CNOT1: variants seen among roughly 807,000 people sequenced by gnomAD.
CNOT1 encodes the protein CCR4-associated factor 1.
CNOT1 carries 15 observed loss-of-function variants against 273.8 expected under a neutral mutation model. The ratio of observed to expected loss-of-function variants is 0.05; its 90% CI spans 0.04 to 0.08. The LOEUF is 0.08. CNOT1 is among the 10% of genes least tolerant of loss of function. CNOT1 has a pLI of 1.00. For missense variants in CNOT1, 1,644 were observed against 2,912.2 expected (o/e 0.56, Z 10.02); for synonymous variants, 1,022 against 1,005.5 (o/e 1.02, Z -0.31).
chr16:58,534,848 A>G (rs1370103347), intron 39 of CNOT1, among the ~76,000 whole-genome samples: 1 of 152,236 alleles, frequency 6.6e-6, no homozygotes, highest in East Asian at 1.9e-4. Context: ...AACCAATAAC[A>G]AAGATTTTAA....
At chr16:58,621,925 AAAAAAAAAAG>A (rs1384639047) in intron 1 of CNOT1, among the ~76,000 whole-genome samples, 1 of 149,146 alleles carries the variant, frequency 6.7e-6, no homozygotes, top group Non-Finnish European at 1.5e-5. Context: ...AAAAAAAAAA[AAAAAAAAAAG>A]AAGATACACC....
At chr16:58,601,765 G>A (rs907059607) in intron 1 of CNOT1, among the ~76,000 whole-genome samples, 4 of 84,374 alleles carry the variant, frequency 4.7e-5, no homozygotes, top group Admixed American at 3.6e-4. Context: ...GCCTGTGCAC[G>A]GTGGCAAACA....
chr16:58,610,481 A>C (rs1878380616), intron 1 of CNOT1, among the ~76,000 whole-genome samples: 1 of 152,150 alleles, frequency 6.6e-6, no homozygotes, highest in Admixed American at 6.6e-5. Context: ...AGGCAGGTGG[A>C]TCACTTGAGG....
chr16:58,627,205 G>C (rs548257342), intron 1 of CNOT1, among the ~76,000 whole-genome samples: 3 of 151,800 alleles, frequency 2.0e-5, no homozygotes, highest in African/African-American at 4.8e-5. Context: ...TTAAGAGTTC[G>C]AGACCATCCT....
intron 4 of CNOT1, among the ~76,000 whole-genome samples, 179 bp from the exon 5 acceptor site, chr16:58,587,592 C>T (rs144080627): frequency 1.3e-5 from 2 of 152,290 alleles, no homozygotes; most frequent in African/African-American, 4.8e-5. Flanking sequence ...TTCACATGAT[C>T]TGGTTTTAGT....
At position 58,551,129 on chromosome 16, in the gene CNOT1, C is replaced by T. The variant is rs2040437402; in HGVS notation, c.3342+3G>A. 6.2e-7 allele frequency: 1 copy of T among 1,607,028 alleles called. No homozygotes were observed. Among genetic ancestry groups the T allele is most frequent in the Non-Finnish European group, 8.5e-7 (1 of 1,178,266 alleles). On this transcript the variant is annotated splice_donor_region_variant and intron_variant, in intron 24 of 48. Transcript: ENST00000317147. The stretch of plus-strand genomic sequence containing the variant: ...CATTTATAAACTATGACAGCATGCT[C>T]ACCTTTTGTGTCATATTTGACTGTG...
intron 1 of CNOT1, among the ~76,000 whole-genome samples, chr16:58,625,180 G>C (rs2043511123): frequency 6.6e-6 from 1 of 152,092 alleles, no homozygotes; most frequent in South Asian, 2.1e-4. Context: ...GAGGTCAGGA[G>C]TTCAAGACCA....
In CNOT1 at chr16:58,606,803, CA is replaced by C. The variant is rs1555501806; in HGVS notation, c.-174-7293del. Among the ~76,000 whole-genome samples the C allele has an allele frequency of 3.6e-5, 5 of 139,150 alleles. No individual in the cohort carries two copies. The East Asian group carries it at 6.2e-4, about 17-fold the overall frequency. The allele number at this position is 139,150 out of a possible 152,430, so 91.3% of individuals were successfully genotyped here. A position where few individuals can be genotyped will look rare whatever the true frequency, so the allele number is the denominator to read the frequency against. On this transcript the variant is annotated intron_variant, in intron 1 of 48. Transcript: ENST00000317147. ...TGGGCAGCAGAGCAAGACACCGTAT[CA>C]AAAAAAAAGAAAAAAAAAAGATTAT...
intron 44 of CNOT1, among the ~76,000 whole-genome samples, chr16:58,527,366 CA>C (rs35633757): frequency 1.7e-4 from 25 of 145,542 alleles, no homozygotes; most frequent in East Asian, 4.0e-4. Flanking sequence ...ACTAAAAATA[CA>C]AAAAAAAAAA....
intron 1 of CNOT1, among the ~76,000 whole-genome samples, chr16:58,621,566 C>G (rs908945410): frequency 2.0e-5 from 3 of 151,334 alleles, no homozygotes; most frequent in Admixed American, 6.6e-5. Context: ...AGCCACCACG[C>G]CTGGCAACTA....
At chr16:58,614,381 G>A (rs2043006130) in intron 1 of CNOT1, among the ~76,000 whole-genome samples, 1 of 125,132 alleles carries the variant, frequency 8.0e-6, no homozygotes, top group African/African-American at 2.7e-5. Flanking sequence ...TGTGGTTTAT[G>A]ATGAACACCG....
intron 3 of CNOT1, among the ~76,000 whole-genome samples, chr16:58,588,460 C>T (rs1197136982): frequency 6.6e-6 from 1 of 151,974 alleles, no homozygotes; most frequent in African/African-American, 2.4e-5. Flanking sequence ...AGTATTATGA[C>T]AAACTCTTGC....
intron 21 of CNOT1, among the ~76,000 whole-genome samples, chr16:58,554,309 T>C (rs2040555821): frequency 6.6e-6 from 1 of 152,066 alleles, no homozygotes; most frequent in South Asian, 2.1e-4. Context: ...CTTTAGAGAT[T>C]ATCAGAGATT....
chr16:58,616,200 G>C (rs568648054), intron 1 of CNOT1, among the ~76,000 whole-genome samples: 1 of 124,924 alleles, frequency 8.0e-6, no homozygotes, highest in African/African-American at 2.7e-5. Context: ...TCCGCCTCCC[G>C]GGTTCAAGCA....
chr16:58,536,499 C>T (rs2039935406), intron 39 of CNOT1, among the ~76,000 whole-genome samples: 1 of 152,142 alleles, frequency 6.6e-6, no homozygotes, highest in Non-Finnish European at 1.5e-5. Context: ...GTCCAACTTG[C>T]ATCAAATCTA....
At chr16:58,606,396 A>T (rs1243598986) in intron 1 of CNOT1, among the ~76,000 whole-genome samples, 1 of 152,110 alleles carries the variant, frequency 6.6e-6, no homozygotes, top group Non-Finnish European at 1.5e-5. Context: ...CCCTTAAAAA[A>T]ACAAAAAATA....
chr16:58,610,567 G>T (rs983377202), intron 1 of CNOT1, among the ~76,000 whole-genome samples: 1 of 152,154 alleles, frequency 6.6e-6, no homozygotes, highest in Non-Finnish European at 1.5e-5. Flanking sequence ...TAAAAGGCGG[G>T]GCGCGGTGGC....
At chr16:58,533,818 CCA>C (rs1567389989) in intron 40 of CNOT1, among the ~76,000 whole-genome samples, 1 of 151,858 alleles carries the variant, frequency 6.6e-6, no homozygotes, top group East Asian at 1.9e-4. Flanking sequence ...GAGCGAGACT[CCA>C]TCTCAAATAA....
chr16:58,534,352 C>T lies in CNOT1; in HGVS notation c.5690G>A (p.Arg1897Lys), dbSNP rs1438033691. ...CATTTCAGTACACAGACGAAAGAAC[C>T]TTGTTATGAGATCATCGGTCTTCAG... ...GILKTDDLIT[R>K]FFRLCTEMCV... The change falls in exon 40 of 49, where the codon AGG becomes AAG. Residue 1897 changes from arginine (R) to lysine (K), a missense_variant. This residue lies in a region of CNOT1 where 133 missense variants were observed against 328.2 expected (regional missense o/e 0.41). Coordinates refer to ENST00000317147, the MANE Select transcript of CNOT1 (RefSeq NM_016284.5). 1.2e-6 allele frequency: 2 copies of T among 1,614,142 alleles called. No individual in the cohort carries two copies. The highest frequency in any genetic ancestry group is 1.1e-5 in the South Asian group (1 of 91,078).
Sources: gnomAD v4.1 joint callset for allele counts (sites outside exome capture counted in the v4.1 genomes callset) on GRCh38, gnomAD v4.1.1 for gene constraint, gnomAD v4.1.1 regional missense constraint, MANE v1.5 for transcripts, NCBI Gene and HGNC (gene_info 2026-07-23, HGNC 2026-07-21) for gene names.